GARIN2: variants seen among roughly 807,000 people sequenced by gnomAD.
GARIN2 encodes the protein Golgi-associated RAB2 interactor protein 2.
chr14:67,193,492 T>G, the GARIN2 span, among the ~76,000 whole-genome samples: 29 of 135,744 alleles, frequency 2.1e-4, no homozygotes, highest in Admixed American at 7.5e-4. Flanking sequence ...CAGATAGCTA[T>G]ATATCTAGAT....
At chr14:67,196,235 T>G in the GARIN2 span, among the ~76,000 whole-genome samples, 1 of 151,324 alleles carries the variant, frequency 6.6e-6, no homozygotes, top group Non-Finnish European at 1.5e-5. Context: ...TTTTTTTTTT[T>G]GATGGAGTTT....
At chr14:67,207,015 C>T in the GARIN2 span, among the ~76,000 whole-genome samples, 1 of 152,122 alleles carries the variant, frequency 6.6e-6, no homozygotes, top group Non-Finnish European at 1.5e-5. Context: ...TAGCTTTATT[C>T]ATTATAGGAT....
the GARIN2 span, among the ~76,000 whole-genome samples, chr14:67,226,146 G>A: frequency 1.3e-5 from 2 of 152,090 alleles, no homozygotes; most frequent in African/African-American, 4.8e-5. Context: ...TGCCACCAAA[G>A]CCAGCTTAGC....
At chr14:67,190,855 C>G in the GARIN2 span, among the ~76,000 whole-genome samples, 1 of 152,202 alleles carries the variant, frequency 6.6e-6, no homozygotes, top group Non-Finnish European at 1.5e-5. Context: ...TGCCACACTT[C>G]AAAGTGCTGG....
At chr14:67,199,761 C>A in the GARIN2 span, 1 of 1,545,046 alleles carries the variant, frequency 6.5e-7, no homozygotes, top group Non-Finnish European at 8.8e-7. Flanking sequence ...GGGCTTCCTC[C>A]ACCAGGCATG....
the GARIN2 span, among the ~76,000 whole-genome samples, chr14:67,212,631 A>AT: frequency 6.8e-6 from 1 of 146,146 alleles, no homozygotes; most frequent in African/African-American, 2.5e-5. Flanking sequence ...TATATTATAT[A>AT]TAATATATAT....
the GARIN2 span, among the ~76,000 whole-genome samples, chr14:67,212,599 ATATATATATATATATGT>A: frequency 2.9e-5 from 4 of 137,160 alleles, no homozygotes; most frequent in Admixed American, 7.5e-5. Context: ...GAAAAAAAAA[ATATATATATATATATGT>A]AATATATATT....
chr14:67,204,894 C>T, the GARIN2 span: 6 of 1,613,946 alleles, frequency 3.7e-6, no homozygotes, highest in Non-Finnish European at 5.1e-6. Context: ...AATTCACAGA[C>T]ATCACCGACA....
chr14:67,205,796 A>G, the GARIN2 span, among the ~76,000 whole-genome samples: 1 of 152,190 alleles, frequency 6.6e-6, no homozygotes, highest in African/African-American at 2.4e-5. Flanking sequence ...GGAATGAAGG[A>G]GCTGTGTTTT....
At chr14:67,224,851 T>C in the GARIN2 span, 1 of 320,078 alleles carries the variant, frequency 3.1e-6, no homozygotes, top group Non-Finnish European at 5.7e-6. Context: ...AGGTTCATTC[T>C]TTGTTTATAA....
the GARIN2 span, among the ~76,000 whole-genome samples, chr14:67,209,819 GA>G: frequency 0.02 from 1,534 of 76,926 alleles, 11 homozygotes; most frequent in Non-Finnish European, 0.03. Flanking sequence ...CTCCATCTCG[GA>G]AAAAAAAAAA....
chr14:67,218,796 T>C, the GARIN2 span, among the ~76,000 whole-genome samples: 6 of 151,818 alleles, frequency 4.0e-5, no homozygotes, highest in South Asian at 1.2e-3. Flanking sequence ...CATTTGAGGG[T>C]GTGTATGCAG....
the GARIN2 span, chr14:67,205,131 C>A: frequency 6.6e-7 from 1 of 1,506,704 alleles, no homozygotes; most frequent in Non-Finnish European, 8.9e-7. Flanking sequence ...TAATCGAGAA[C>A]TAGAGGGGTT....
the GARIN2 span, among the ~76,000 whole-genome samples, chr14:67,222,221 A>G: frequency 6.6e-6 from 1 of 152,202 alleles, no homozygotes; most frequent in Non-Finnish European, 1.5e-5. Context: ...ATGTAAAATT[A>G]TCCAGCTCCT....
At chr14:67,199,312 A>G in the GARIN2 span, 181 of 1,609,786 alleles carry the variant, frequency 1.1e-4, no homozygotes, top group Non-Finnish European at 1.5e-4. Context: ...GGAAGCCAAT[A>G]CGGGTGAACA....
At chr14:67,224,193 C>A in the GARIN2 span, among the ~76,000 whole-genome samples, 1 of 151,470 alleles carries the variant, frequency 6.6e-6, no homozygotes, top group Non-Finnish European at 1.5e-5. Context: ...TTTATGACAA[C>A]TTTATGCATG....
chr14:67,198,222 C>G, the GARIN2 span: 11 of 1,613,860 alleles, frequency 6.8e-6, no homozygotes, highest in South Asian at 4.4e-5. Flanking sequence ...TCTCTGCACC[C>G]CACACTCCCA....
At chr14:67,212,965 T>C in the GARIN2 span, among the ~76,000 whole-genome samples, 1 of 151,776 alleles carries the variant, frequency 6.6e-6, no homozygotes, top group Non-Finnish European at 1.5e-5. Flanking sequence ...GGTTTCTATA[T>C]GAGTTGTTCT....
At chr14:67,192,461 A>C in the GARIN2 span, among the ~76,000 whole-genome samples, 2 of 151,792 alleles carry the variant, frequency 1.3e-5, no homozygotes, top group African/African-American at 4.8e-5. Context: ...TAGTAAGGTG[A>C]TTGGATCAGA....
Sources: gnomAD v4.1 joint callset for allele counts (sites outside exome capture counted in the v4.1 genomes callset) on GRCh38, gnomAD v4.1.1 for gene constraint, MANE v1.5 for transcripts, NCBI Gene and HGNC (gene_info 2026-07-23, HGNC 2026-07-21) for gene names.